The following TMEM108 variants were observed in gnomAD, a reference collection of about 807,000 sequenced individuals.
The protein encoded by TMEM108 is transmembrane protein 108.
In TMEM108, 12 loss-of-function variants were observed where a neutral mutation model predicts 35.1. The ratio of observed to expected loss-of-function variants is 0.34; its 90% CI spans 0.22 to 0.55. The LOEUF (loss-of-function observed/expected upper bound fraction) is 0.55. Ranked by LOEUF, TMEM108 falls within the 20% of genes least tolerant of loss-of-function variation. The probability of loss-of-function intolerance (pLI) is 0.89; values close to 1 mark genes in which losing one functional copy is unlikely to be tolerated. For synonymous variants in TMEM108, 287 were observed against 308.6 expected (o/e 0.93, Z 0.73); for missense variants, 680 against 753.3 (o/e 0.90, Z 1.14).
At position 133,053,663 on chromosome 3, in the gene TMEM108, A is replaced by G. The variant is rs115348591; in HGVS notation, c.-47+7643A>G. On this transcript the variant is annotated intron_variant, in intron 2 of 5. Coordinates refer to ENST00000321871, the MANE Select transcript of TMEM108 (RefSeq NM_023943.4). ...TCAGGGGTTTTTAGGATGAGAGAAT[A>G]GTCTGGCTGGACCTCATGGAGTCAG... Among the ~76,000 whole-genome samples the G allele has an allele frequency of 7.3e-3, 1,114 of 152,342 alleles. 17 individuals carry two copies. Among genetic ancestry groups the G allele is most frequent in the African/African-American group, 0.025 (1,020 of 41,576 alleles).
At chr3:133,310,090 G>A (rs1433500965) in intron 3 of TMEM108, among the ~76,000 whole-genome samples, 1 of 152,144 alleles carries the variant, frequency 6.6e-6, no homozygotes, top group Non-Finnish European at 1.5e-5. Flanking sequence ...TACATTTGCT[G>A]AGGAGTTCTT....
At chr3:133,268,031 A>G (rs1487937020) in intron 3 of TMEM108, among the ~76,000 whole-genome samples, 1 of 152,238 alleles carries the variant, frequency 6.6e-6, no homozygotes, top group Non-Finnish European at 1.5e-5. Context: ...ACACAAGGCC[A>G]TCAAGCTTAT....
chr3:133,169,880 G>A (rs1009759303), intron 2 of TMEM108, among the ~76,000 whole-genome samples: 2 of 152,194 alleles, frequency 1.3e-5, no homozygotes, highest in African/African-American at 4.8e-5. Flanking sequence ...ACAAAAGATG[G>A]TGATTAGCTG....
intron 2 of TMEM108, among the ~76,000 whole-genome samples, chr3:133,087,564 A>C (rs115007215): frequency 8.9e-4 from 136 of 152,308 alleles, no homozygotes; most frequent in African/African-American, 3.1e-3. Context: ...CATTGTGACA[A>C]TTAGCCCTTG....
chr3:133,393,012 T>C (rs541393994), intron 5 of TMEM108, among the ~76,000 whole-genome samples: 2 of 152,328 alleles, frequency 1.3e-5, no homozygotes, highest in South Asian at 2.1e-4. Flanking sequence ...CCCATTCTCA[T>C]GCCCTTCACA....
chr3:133,380,328 C>T lies in TMEM108; in HGVS notation c.617C>T (p.Pro206Leu), dbSNP rs1262999544. Reference sequence around the variant, plus strand: ...CGAGGACGAAATCCAAGCTCCACACCTCTGGGGCAGAAGCGGCCCCTGGGG... The same window carrying T: ...CGAGGACGAAATCCAAGCTCCACACTTCTGGGGCAGAAGCGGCCCCTGGGG... ...GQRGRNPSST[P>L]LGQKRPLGKI... The change falls in exon 4 of 6, where the codon CCT becomes CTT. Residue 206 changes from proline to leucine, a missense_variant. Pro to Leu is a moderately conservative substitution (Grantham distance 98). Transcript: ENST00000321871. This position sits in a 1 kb window ranked among gnomAD's most constrained non-coding sequence, Gnocchi z 5.3. The T allele has an allele frequency of 1.1e-5, 18 of 1,614,176 alleles. No homozygotes were observed. Among genetic ancestry groups the T allele is most frequent in the Non-Finnish European group, 1.4e-5 (16 of 1,180,014 alleles).
chr3:133,239,209 G>A (rs1194899945), intron 3 of TMEM108, among the ~76,000 whole-genome samples: 1 of 152,118 alleles, frequency 6.6e-6, no homozygotes, highest in East Asian at 1.9e-4. Context: ...GAAATAAACA[G>A]CATTTAGTGG....
At chr3:133,283,569 CCTCTATAGTCTGCTT>C (rs200210786) in intron 3 of TMEM108, among the ~76,000 whole-genome samples, 2,793 of 152,278 alleles carry the variant, frequency 0.018, 98 homozygotes, top group African/African-American at 0.063. Flanking sequence ...TAGCAGTTTT[CCTCTATAGTCTGCTT>C]TTTGAAAGTG....
At chr3:133,263,109 G>C (rs1420243870) in intron 3 of TMEM108, among the ~76,000 whole-genome samples, 5 of 152,222 alleles carry the variant, frequency 3.3e-5, no homozygotes, top group African/African-American at 4.8e-5. Flanking sequence ...TGCCCCAGGT[G>C]AGGTAGAGAC....
At chr3:133,137,044 A>C (rs911906976) in intron 2 of TMEM108, among the ~76,000 whole-genome samples, 6 of 152,190 alleles carry the variant, frequency 3.9e-5, no homozygotes, top group African/African-American at 1.4e-4. Context: ...TTGTTGTTAG[A>C]AATTAGTTAT....
chr3:133,097,841 T>G (rs1347333691), intron 2 of TMEM108, among the ~76,000 whole-genome samples: 1 of 152,222 alleles, frequency 6.6e-6, no homozygotes, highest in East Asian at 1.9e-4. Context: ...CCTCCATCAC[T>G]TTACATGAAG....
chr3:133,255,726 C>T (rs1346119015), intron 3 of TMEM108, among the ~76,000 whole-genome samples: 4 of 152,184 alleles, frequency 2.6e-5, no homozygotes, highest in African/African-American at 9.7e-5. Flanking sequence ...TGGTGGCTCA[C>T]GCCTGTAATC....
At chr3:133,234,972 A>G (rs1245546931) in intron 3 of TMEM108, among the ~76,000 whole-genome samples, 2 of 152,208 alleles carry the variant, frequency 1.3e-5, no homozygotes, top group Non-Finnish European at 2.9e-5. Context: ...ACAAATAGAG[A>G]GCCAAATCAT....
At chr3:133,043,304 G>GCA (rs1421765721) in intron 1 of TMEM108, among the ~76,000 whole-genome samples, 2 of 152,018 alleles carry the variant, frequency 1.3e-5, no homozygotes, top group Non-Finnish European at 2.9e-5. Context: ...GAGGTCTGTG[G>GCA]CACACACACA....
intron 2 of TMEM108, among the ~76,000 whole-genome samples, chr3:133,202,265 T>C (rs1243506702): frequency 1.3e-5 from 2 of 152,208 alleles, no homozygotes; most frequent in Non-Finnish European, 2.9e-5. Context: ...CTGATGATAG[T>C]TTCTTTTGCT....
At chr3:133,089,104 C>T (rs1943917442) in intron 2 of TMEM108, among the ~76,000 whole-genome samples, 1 of 152,088 alleles carries the variant, frequency 6.6e-6, no homozygotes, top group East Asian at 1.9e-4. Context: ...CTCACAAAAA[C>T]TCATCATCAC....
intron 3 of TMEM108, among the ~76,000 whole-genome samples, chr3:133,345,946 C>G (rs1312981946): frequency 6.6e-6 from 1 of 151,916 alleles, no homozygotes; most frequent in Admixed American, 6.6e-5. Flanking sequence ...GGATCTTCCA[C>G]GTCTTTTTGT....
Position 133,379,583 on chromosome 3 carries a change from C to G in TMEM108, c.41-169C>G, listed in dbSNP as rs978833242. ...GGCAGCACCTACCTAATAGACCTGC[C>G]CCAGCTCCACAGACAGTTCTGGTTC... On this transcript the variant is annotated intron_variant, in intron 3 of 5. Coordinates refer to ENST00000321871, the MANE Select transcript of TMEM108 (RefSeq NM_023943.4). The G allele has an allele frequency of 1.6e-5, 11 of 682,738 alleles. No individual in the cohort carries two copies. The African/African-American group carries it at 1.8e-4, about 11-fold the overall frequency. The allele number at this position is 682,738 out of a possible 1,614,324, so 42.3% of individuals were successfully genotyped here. A position where few individuals can be genotyped will look rare whatever the true frequency, so the allele number is the denominator to read the frequency against.
chr3:133,300,132 C>G (rs1307380782), intron 3 of TMEM108, among the ~76,000 whole-genome samples: 1 of 152,134 alleles, frequency 6.6e-6, no homozygotes, highest in Admixed American at 6.5e-5. Flanking sequence ...GCATTGAAAG[C>G]CTCCAAAATG....
Sources: allele counts gnomAD v4.1 joint callset (sites outside exome capture counted in the v4.1 genomes callset), GRCh38; gene constraint gnomAD v4.1.1; non-coding constraint Gnocchi (gnomAD v3.1); transcripts MANE v1.5; gene names NCBI Gene and HGNC (gene_info 2026-07-23, HGNC 2026-07-21).